Variants in ACO1 observed in about 807,000 individuals in gnomAD.
ACO1 encodes the protein cytoplasmic aconitate hydratase.
Under a neutral mutation model 105.1 loss-of-function variants are expected in ACO1, and 78 were observed. That is an observed-to-expected ratio of 0.74 (90% CI 0.62 to 0.90). The LOEUF (loss-of-function observed/expected upper bound fraction) is 0.90, where lower values mean the gene tolerates loss of function less well. Among genes scored for constraint, ACO1 ranks in the 40% least tolerant of loss-of-function variants. ACO1 has a pLI of 0.00. For missense variants in ACO1, 965 were observed against 1,111.1 expected (o/e 0.87, Z 1.87); for synonymous variants, 364 against 397.4 (o/e 0.92, Z 1.00).
chr9:32,412,745 T>G (rs1332160980), intron 4 of ACO1, among the ~76,000 whole-genome samples: 1 of 152,124 alleles, frequency 6.6e-6, no homozygotes, highest in African/African-American at 2.4e-5. Flanking sequence ...AATGGAAGAG[T>G]TTAAAATATA....
chr9:32,427,829 T>C (rs1382747029), intron 12 of ACO1, among the ~76,000 whole-genome samples: 1 of 152,264 alleles, frequency 6.6e-6, no homozygotes, highest in Non-Finnish European at 1.5e-5. Context: ...TACAAACTTT[T>C]AAGTTTATTG....
intron 4 of ACO1, among the ~76,000 whole-genome samples, chr9:32,416,282 A>G (rs928283080): frequency 8.6e-5 from 13 of 151,916 alleles, no homozygotes; most frequent in African/African-American, 3.1e-4. Context: ...TTTAGCAGAG[A>G]TGGGGTTTCA....
chr9:32,436,260 C>T lies in ACO1; in HGVS notation c.2110C>T (p.Arg704Ter), dbSNP rs766458832. 56 of 1,613,984 alleles carry T rather than the reference C, an allele frequency of 3.5e-5. No homozygotes were observed. The highest frequency in any genetic ancestry group is 4.4e-5 in the South Asian group (4 of 91,080). The stretch of plus-strand genomic sequence containing the variant: ...TGCTTGCCTTCTTAGCCTAACTCCA[C>T]GAGAATTCAACTCCTATGGCTCCCG... ...RYLTNRGLTP[R>*]EFNSYGSRRG... is the part of the protein sequence containing the mutation. The change falls in exon 18 of 21, where the codon CGA becomes TGA. Residue 704 changes from arginine (R) to a stop codon, truncating the protein, a stop_gained. Transcript: ENST00000309951. LOFTEE classifies it high-confidence loss of function.
intron 1 of ACO1, among the ~76,000 whole-genome samples, chr9:32,394,560 T>C (rs922903391): frequency 6.6e-6 from 1 of 152,166 alleles, no homozygotes; most frequent in African/African-American, 2.4e-5. Flanking sequence ...CCCAGTGAAA[T>C]AGAGCAGCTG....
At position 32,428,087 on chromosome 9, in the gene ACO1, C is replaced by A. The variant is rs117158465; in HGVS notation, c.1484+651C>A. 1.4e-3 allele frequency among the ~76,000 whole-genome samples: 206 copies of A among 149,740 alleles called. 3 individuals carry two copies. The East Asian group carries it at 0.036, about 26-fold the overall frequency. On this transcript the variant is annotated intron_variant, in intron 12 of 20. Coordinates refer to ENST00000309951, the MANE Select transcript of ACO1 (RefSeq NM_002197.3). ...GCCAGGAGTTTGAAACTAGCCAGGG[C>A]AACATAGTGGGACCCCTGTTTCTAC...
In ACO1 at chr9:32,391,221, A is replaced by G. The variant is rs190009966; in HGVS notation, c.-23+6486A>G. Reference sequence around the variant, plus strand: ...ACAGACATTGTTACCTAAAATCTGCAAAGAAGTAAACTAAGGTTTAAGAAT... The same window carrying G: ...ACAGACATTGTTACCTAAAATCTGCGAAGAAGTAAACTAAGGTTTAAGAAT... On this transcript the variant is annotated intron_variant, in intron 1 of 20. Transcript: ENST00000309951. 2.6e-4 allele frequency among the ~76,000 whole-genome samples: 40 copies of G among 152,346 alleles called. No homozygotes were observed. In the East Asian group the frequency reaches 6.4e-3, roughly 24 times the overall value.
At chr9:32,413,541 A>G (rs1406156103) in intron 4 of ACO1, among the ~76,000 whole-genome samples, 1 of 149,236 alleles carries the variant, frequency 6.7e-6, no homozygotes, top group Non-Finnish European at 1.5e-5. Context: ...TTTTGTTTTT[A>G]TTTCTTGAGT....
chr9:32,437,888 G>A (rs907164514), intron 18 of ACO1, among the ~76,000 whole-genome samples: 3 of 152,096 alleles, frequency 2.0e-5, no homozygotes, highest in African/African-American at 4.8e-5. Flanking sequence ...AGAAAAAAAT[G>A]TAAGAACTGA....
chr9:32,399,113 T>C (rs768709361), intron 1 of ACO1, among the ~76,000 whole-genome samples: 11 of 152,192 alleles, frequency 7.2e-5, no homozygotes, highest in Non-Finnish European at 1.3e-4. Flanking sequence ...GTCATTCACG[T>C]AAAGGGAAAT....
rs985073953 is a variant in ACO1, at chr9:32,396,787, A to G, written c.-22-8698A>G. Among the ~76,000 whole-genome samples the G allele has an allele frequency of 8.5e-5, 13 of 152,192 alleles. No individual in the cohort carries two copies. The East Asian group carries it at 2.5e-3, about 29-fold the overall frequency. On this transcript the variant is annotated intron_variant, in intron 1 of 20. Transcript: ENST00000309951. ...GGGACTCTGTCTCTGTTGTTCCCTG[A>G]TGTATCACCAGGACCTAAAACAGTT...
rs372506076 is a variant in ACO1, at chr9:32,429,381, C to G, written c.1485-38C>G. The G allele has an allele frequency of 1.3e-5, 20 of 1,596,124 alleles. No homozygotes were observed. The African/African-American group carries it at 2.7e-4, about 21-fold the overall frequency. On this transcript the variant is annotated intron_variant, in intron 12 of 20. Transcript: ENST00000309951. ...GCAGAAGGGCTCACTGAAAGTTATT[C>G]TTTTTTTGTGTGTGTGTGCTTCTCT...
At chr9:32,385,431 T>C (rs1346811372) in intron 1 of ACO1, among the ~76,000 whole-genome samples, 1 of 152,236 alleles carries the variant, frequency 6.6e-6, no homozygotes, top group East Asian at 1.9e-4. Context: ...TAAAAATTAG[T>C]ATCTTAAGGA....
At chr9:32,391,666 T>A (rs1381414054) in intron 1 of ACO1, among the ~76,000 whole-genome samples, 2 of 152,244 alleles carry the variant, frequency 1.3e-5, no homozygotes, top group African/African-American at 4.8e-5. Flanking sequence ...ACTTAATTAT[T>A]CAACATCCTT....
At chr9:32,416,427 C>T (rs1821851601) in intron 4 of ACO1, among the ~76,000 whole-genome samples, 1 of 152,076 alleles carries the variant, frequency 6.6e-6, no homozygotes, top group Non-Finnish European at 1.5e-5. Flanking sequence ...ATAACACATG[C>T]TTCCGGTCCC....
intron 18 of ACO1, among the ~76,000 whole-genome samples, chr9:32,437,333 G>T (rs1156589490): frequency 6.6e-6 from 1 of 152,164 alleles, no homozygotes; most frequent in Non-Finnish European, 1.5e-5. Flanking sequence ...AGAAAGTCTG[G>T]CTCTGAAGTC....
rs1475417621 is a variant in ACO1 at position 32,389,800 on chromosome 9, C to T, written c.-23+5065C>T. Among the ~76,000 whole-genome samples, 9 of 132,486 alleles carry T rather than the reference C, an allele frequency of 6.8e-5. No homozygotes were observed. In the East Asian group the frequency reaches 1.5e-3, roughly 22 times the overall value. 86.9% of individuals were successfully genotyped at this position (132,486 alleles called of 152,430 possible). Reference sequence around the variant, plus strand: ...ATTGGCCAATTTTGTTTCCTCTATACTTTTTTTTTTTTTTTTGAGACAGCG... The same window carrying T: ...ATTGGCCAATTTTGTTTCCTCTATATTTTTTTTTTTTTTTTTGAGACAGCG... On this transcript the variant is annotated intron_variant, in intron 1 of 20. Coordinates refer to ENST00000309951, the MANE Select transcript of ACO1 (RefSeq NM_002197.3).
chr9:32,434,531 A>G (rs1408104677), intron 16 of ACO1, 28 bp from the exon 17 acceptor site: 2 of 1,612,878 alleles, frequency 1.2e-6, no homozygotes, highest in African/African-American at 1.3e-5. Context: ...AACCTGGGCC[A>G]ATGCTGACTT....
At chr9:32,418,634 G>A in intron 6 of ACO1, 123 bp downstream of exon 6, 1 of 1,129,108 alleles carries the variant, frequency 8.9e-7, no homozygotes, top group South Asian at 1.6e-5. Flanking sequence ...TGTCAGTTTT[G>A]TCACTGCTGT....
At chr9:32,388,785 C>T (rs1821205995) in intron 1 of ACO1, among the ~76,000 whole-genome samples, 1 of 152,114 alleles carries the variant, frequency 6.6e-6, no homozygotes, top group African/African-American at 2.4e-5. Flanking sequence ...AGATGTGTGC[C>T]TATCTTATAA....
Sources: gnomAD v4.1 joint callset for allele counts (sites outside exome capture counted in the v4.1 genomes callset) on GRCh38, gnomAD v4.1.1 for gene constraint, MANE v1.5 for transcripts, NCBI Gene and HGNC (gene_info 2026-07-23, HGNC 2026-07-21) for gene names.